Variants in TRPC4 observed in about 807,000 individuals in gnomAD.
The protein encoded by TRPC4 is transient receptor potential cation channel subfamily C member 4.
A neutral mutation model predicts 99.4 loss-of-function variants in TRPC4; 49 were observed. That is an observed-to-expected ratio of 0.49 (90% CI 0.39 to 0.63). The LOEUF (loss-of-function observed/expected upper bound fraction) is 0.63. TRPC4 is among the 20% of genes least tolerant of loss of function. The pLI is 0.00. For missense variants in TRPC4, 898 were observed against 1,152.9 expected (o/e 0.78, Z 3.20); for synonymous variants, 454 against 425.9 (o/e 1.07, Z -0.81).
At chr13:37,717,719 G>C (rs1954725881) in intron 3 of TRPC4, among the ~76,000 whole-genome samples, 1 of 152,134 alleles carries the variant, frequency 6.6e-6, no homozygotes, top group South Asian at 2.1e-4. Context: ...GTTGCTCTCA[G>C]TCTTCTAGCC....
In TRPC4 at chr13:37,842,372, G is replaced by GAAAAAAAAAAAAAAAA. The variant is rs1566216069; in HGVS notation, c.-28+27222_-28+27223insTTTTTTTTTTTTTTTT. 1.6e-3 allele frequency among the ~76,000 whole-genome samples: 116 copies of GAAAAAAAAAAAAAAAA among 72,090 alleles called. 15 individuals are homozygous for GAAAAAAAAAAAAAAAA. Among genetic ancestry groups the GAAAAAAAAAAAAAAAA allele is most frequent in the Non-Finnish European group, 1.9e-3 (66 of 34,974 alleles). 47.3% of individuals were successfully genotyped at this position (72,090 alleles called of 152,430 possible). The stretch of plus-strand genomic sequence containing the variant: ...AAAAAAAAAAAAAAAAAAAAAAAAG[G>GAAAAAAAAAAAAAAAA]AAAAGGAAAAGTATAAATCGGGGGC... On this transcript the variant is annotated intron_variant, in intron 1 of 10. Transcript: ENST00000379705.
At chr13:37,652,590 T>TTCCTTTCCTTTCTTATTTCTCCC (rs1952084987) in intron 7 of TRPC4, among the ~76,000 whole-genome samples, 1 of 11,680 alleles carries the variant, frequency 8.6e-5, no homozygotes, top group African/African-American at 2.3e-4. Flanking sequence ...TTCCCTCCTC[T>TTCCTTTCCTTTCTTATTTCTCCC]TCCTTTCCTT....
intron 3 of TRPC4, among the ~76,000 whole-genome samples, chr13:37,721,982 G>C (rs575595210): frequency 6.6e-6 from 1 of 151,882 alleles, no homozygotes; most frequent in Non-Finnish European, 1.5e-5. Context: ...TCTTATTCAA[G>C]AATTACCATT....
chr13:37,869,430 G>GAA (rs1179949463), intron 1 of TRPC4, among the ~76,000 whole-genome samples, 165 bp downstream of exon 1: 1 of 152,258 alleles, frequency 6.6e-6, no homozygotes, highest in East Asian at 1.9e-4. Flanking sequence ...GCCTTGAAGA[G>GAA]AAACCACATA....
At chr13:37,658,032 G>T (rs902769118) in intron 6 of TRPC4, among the ~76,000 whole-genome samples, 2 of 152,078 alleles carry the variant, frequency 1.3e-5, no homozygotes, top group African/African-American at 4.8e-5. Flanking sequence ...ATCAGTCTAA[G>T]TTAACATTTC....
Position 37,677,524 on chromosome 13 carries a change from A to G in TRPC4, c.1235-3157T>C, listed in dbSNP as rs753423098. Among the ~76,000 whole-genome samples, 3 of 152,174 alleles carry G rather than the reference A, an allele frequency of 2.0e-5. No homozygotes were observed. The South Asian group carries it at 6.2e-4, about 31-fold the overall frequency. On this transcript the variant is annotated intron_variant, in intron 4 of 10. Transcript: ENST00000379705. Reference sequence around the variant, plus strand: ...CCCGTGGCTACATTAATATAAAAGTAGATGTATTTCAGAAGAAGCAATGTT... The same window carrying G: ...CCCGTGGCTACATTAATATAAAAGTGGATGTATTTCAGAAGAAGCAATGTT...
intron 8 of TRPC4, among the ~76,000 whole-genome samples, chr13:37,647,114 T>A (rs965970065): frequency 6.6e-6 from 1 of 152,098 alleles, no homozygotes; most frequent in Non-Finnish European, 1.5e-5. Flanking sequence ...CACGATAAGA[T>A]CATCAATAAT....
At chr13:37,809,174 A>T (rs900101264) in intron 1 of TRPC4, among the ~76,000 whole-genome samples, 1 of 152,056 alleles carries the variant, frequency 6.6e-6, no homozygotes, top group Non-Finnish European at 1.5e-5. Context: ...TAGGGTTGGA[A>T]ATTAGGTCAA....
At chr13:37,696,908 T>C (rs1053542135) in intron 3 of TRPC4, among the ~76,000 whole-genome samples, 2 of 146,978 alleles carry the variant, frequency 1.4e-5, no homozygotes, top group African/African-American at 5.1e-5. Flanking sequence ...TTTCCATAGC[T>C]GAAACATCTT....
At chr13:37,775,380 T>A (rs1325952155) in intron 2 of TRPC4, among the ~76,000 whole-genome samples, 2 of 148,894 alleles carry the variant, frequency 1.3e-5, no homozygotes, top group South Asian at 2.1e-4. Context: ...TTGTTTAGAT[T>A]TTTTTGCTAT....
At chr13:37,793,246 T>A (rs754315179) in intron 1 of TRPC4, among the ~76,000 whole-genome samples, 14 of 152,196 alleles carry the variant, frequency 9.2e-5, no homozygotes, top group Non-Finnish European at 1.9e-4. Flanking sequence ...ACTGGAGAAA[T>A]GACTGTGGAA....
chr13:37,796,412 C>G (rs1397268019), intron 1 of TRPC4, among the ~76,000 whole-genome samples: 1 of 152,096 alleles, frequency 6.6e-6, no homozygotes, highest in Non-Finnish European at 1.5e-5. Context: ...CTACCTGATG[C>G]TCAGTTTTCC....
At chr13:37,834,708 C>T (rs1350983243) in intron 1 of TRPC4, among the ~76,000 whole-genome samples, 1 of 152,108 alleles carries the variant, frequency 6.6e-6, no homozygotes, top group African/African-American at 2.4e-5. Flanking sequence ...GAGTTTATCT[C>T]ACTCTCCATT....
intron 3 of TRPC4, 103 bp downstream of exon 3, chr13:37,745,834 T>C (rs1955758112): frequency 3.2e-6 from 4 of 1,267,390 alleles, no homozygotes; most frequent in Middle Eastern, 1.9e-4. Flanking sequence ...TACAGCTGAA[T>C]AGAAAATGCT....
chr13:37,838,200 T>C (rs1252507080), intron 1 of TRPC4, among the ~76,000 whole-genome samples: 2 of 152,168 alleles, frequency 1.3e-5, no homozygotes, highest in Non-Finnish European at 2.9e-5. Context: ...TCCAACCACA[T>C]GGAAATACTG....
At chr13:37,763,370 T>G (rs148049848) in intron 2 of TRPC4, among the ~76,000 whole-genome samples, 166 of 151,662 alleles carry the variant, frequency 1.1e-3, no homozygotes, top group African/African-American at 3.8e-3. Context: ...TTTCCCCTGA[T>G]TGGTTCTATT....
intron 8 of TRPC4, among the ~76,000 whole-genome samples, chr13:37,642,240 C>G (rs1052381457): frequency 1.3e-5 from 2 of 152,140 alleles, no homozygotes; most frequent in Non-Finnish European, 2.9e-5. Context: ...GTTTTATGAA[C>G]TTTTCGGCAT....
chr13:37,739,460 A>G (rs1955512128), intron 3 of TRPC4, among the ~76,000 whole-genome samples: 1 of 151,712 alleles, frequency 6.6e-6, no homozygotes, highest in Non-Finnish European at 1.5e-5. Context: ...CTCCTTCTCT[A>G]AGAGTTATTT....
At chr13:37,716,982 C>A (rs1196419642) in intron 3 of TRPC4, among the ~76,000 whole-genome samples, 1 of 151,862 alleles carries the variant, frequency 6.6e-6, no homozygotes, top group Non-Finnish European at 1.5e-5. Context: ...GTTTATATAA[C>A]CAAACGCACA....
Sources: gnomAD v4.1 joint callset for allele counts (sites outside exome capture counted in the v4.1 genomes callset) on GRCh38, gnomAD v4.1.1 for gene constraint, MANE v1.5 for transcripts, NCBI Gene and HGNC (gene_info 2026-07-23, HGNC 2026-07-21) for gene names.